Variants in SAXO4 observed in about 807,000 individuals in gnomAD.
SAXO4 encodes stabilizer of axonemal microtubules 4, also known as protein phosphatase 1 regulatory subunit 32.
At chr11:61,483,940 C>CT in the SAXO4 span, among the ~76,000 whole-genome samples, 1 of 146,412 alleles carries the variant, frequency 6.8e-6, no homozygotes, top group African/African-American at 2.7e-5. Context: ...GAGACTTGGA[C>CT]TAAAAAAAAA....
At chr11:61,481,378 G>T in the SAXO4 span, among the ~76,000 whole-genome samples, 3 of 152,282 alleles carry the variant, frequency 2.0e-5, no homozygotes, top group Admixed American at 1.3e-4. Context: ...TGGGGGCCAA[G>T]AATTCCCCAG....
chr11:61,490,603 C>G, the SAXO4 span: 2 of 1,594,390 alleles, frequency 1.3e-6, no homozygotes, highest in Middle Eastern at 1.7e-4. Context: ...CTGGGGATCC[C>G]CACACTCAGC....
chr11:61,488,772 C>G, the SAXO4 span: 1 of 152,786 alleles, frequency 6.5e-6, no homozygotes, highest in Non-Finnish European at 1.5e-5. Context: ...TGACTGGGTG[C>G]CAAGCCCTGC....
At chr11:61,490,461 C>T in the SAXO4 span, 2,641 of 1,576,890 alleles carry the variant, frequency 1.7e-3, 9 homozygotes, top group Non-Finnish European at 1.7e-3. Context: ...CATGCCCTGC[C>T]TGCCAACACC....
the SAXO4 span, chr11:61,489,926 C>A: frequency 1.2e-6 from 2 of 1,611,816 alleles, no homozygotes; most frequent in South Asian, 2.2e-5. Context: ...GCCTGCGGCA[C>A]CTGCATCCCC....
chr11:61,486,746 A>G, the SAXO4 span: 1 of 945,014 alleles, frequency 1.1e-6, no homozygotes. Context: ...CCTCAGGTGG[A>G]GGGTGAAGAG....
the SAXO4 span, among the ~76,000 whole-genome samples, chr11:61,487,999 T>C: frequency 6.6e-6 from 1 of 151,352 alleles, no homozygotes; most frequent in Non-Finnish European, 1.5e-5. Context: ...TTTTTTTTTT[T>C]TTTTTGAGAT....
chr11:61,484,344 AG>A, the SAXO4 span, among the ~76,000 whole-genome samples: 1 of 152,162 alleles, frequency 6.6e-6, no homozygotes, highest in South Asian at 2.1e-4. Context: ...CAAAAACTTG[AG>A]GGAGGCCAGC....
chr11:61,487,988 CTTTT>C, the SAXO4 span, among the ~76,000 whole-genome samples: 2 of 133,244 alleles, frequency 1.5e-5, no homozygotes. Flanking sequence ...TCTTCTTCTT[CTTTT>C]TTTTTTTTTT....
the SAXO4 span, chr11:61,481,794 C>A: frequency 2.1e-6 from 3 of 1,444,926 alleles, no homozygotes; most frequent in Non-Finnish European, 2.8e-6. Flanking sequence ...CCCCTGGGGC[C>A]CTGCCCCACA....
chr11:61,484,330 T>A, the SAXO4 span, among the ~76,000 whole-genome samples: 43 of 152,250 alleles, frequency 2.8e-4, no homozygotes, highest in African/African-American at 1.0e-3. Context: ...ATGGAGACAC[T>A]GGACAAAAAC....
chr11:61,487,652 G>C, the SAXO4 span, among the ~76,000 whole-genome samples: 1 of 152,214 alleles, frequency 6.6e-6, no homozygotes, highest in Admixed American at 6.5e-5. Context: ...CTCAGGCAAA[G>C]CAGCTTCTAG....
chr11:61,485,443 A>G, the SAXO4 span: 14 of 1,564,240 alleles, frequency 9.0e-6, no homozygotes, highest in African/African-American at 6.8e-5. Context: ...CCATCTTCCA[A>G]TCCACCTCCC....
chr11:61,482,707 C>T, the SAXO4 span: 1 of 1,614,068 alleles, frequency 6.2e-7, no homozygotes, highest in African/African-American at 1.3e-5. Context: ...CTACCGCCCC[C>T]TGGAGGTGCC....
the SAXO4 span, among the ~76,000 whole-genome samples, chr11:61,483,083 T>C: frequency 6.8e-6 from 1 of 146,750 alleles, no homozygotes; most frequent in Non-Finnish European, 1.5e-5. Context: ...CGTCCACACC[T>C]GCAAGCCCCA....
At chr11:61,487,298 G>A in the SAXO4 span, 2 of 1,425,118 alleles carry the variant, frequency 1.4e-6, no homozygotes, top group Non-Finnish European at 9.9e-7. Context: ...ACTGAGACTG[G>A]GATAAGTAAT....
the SAXO4 span, chr11:61,484,909 A>C: frequency 2.1e-6 from 3 of 1,437,438 alleles, no homozygotes; most frequent in Non-Finnish European, 2.8e-6. Context: ...GCACTGACTC[A>C]CCCAAGAAGC....
At chr11:61,485,408 CCT>C in the SAXO4 span, 5 of 1,611,858 alleles carry the variant, frequency 3.1e-6, no homozygotes, top group Non-Finnish European at 4.2e-6. Context: ...CCAGGTAGGC[CCT>C]GTCTGAACTC....
At chr11:61,485,058 C>T in the SAXO4 span, among the ~76,000 whole-genome samples, 1 of 152,210 alleles carries the variant, frequency 6.6e-6, no homozygotes, top group Non-Finnish European at 1.5e-5. Flanking sequence ...CTCCTGCTCA[C>T]GGCCCCTCCT....
Sources: allele counts gnomAD v4.1 joint callset (sites outside exome capture counted in the v4.1 genomes callset), GRCh38; gene constraint gnomAD v4.1.1; transcripts MANE v1.5; gene names NCBI Gene and HGNC (gene_info 2026-07-23, HGNC 2026-07-21).